Variants in ZNF469 observed in about 807,000 individuals in gnomAD.
ZNF469 encodes zinc finger protein 469.
In ZNF469, 1 loss-of-function variant was observed where a neutral mutation model predicts 1.0. The observed-to-expected ratio is 1.00, with a 90% confidence interval of 0.35 to 4.73. ZNF469 has a LOEUF of 4.73. Among genes scored for constraint, ZNF469 ranks in the 30% most tolerant of loss-of-function variants. ZNF469 has a pLI of 0.16. For missense variants in ZNF469, 6,100 were observed against 5,356.3 expected (o/e 1.14, Z -4.33); for synonymous variants, 2,703 against 2,363.4 (o/e 1.14, Z -4.17).
At chr16:88,373,720 G>A in the ZNF469 span, among the ~76,000 whole-genome samples, 2 of 152,204 alleles carry the variant, frequency 1.3e-5, no homozygotes, top group Non-Finnish European at 2.9e-5. Context: ...GAAACGGCAG[G>A]GTGCGGTGGC....
At chr16:88,252,872 ATC>A in the ZNF469 span, among the ~76,000 whole-genome samples, 1 of 152,158 alleles carries the variant, frequency 6.6e-6, no homozygotes, top group Non-Finnish European at 1.5e-5. Context: ...TTCCACCAAC[ATC>A]TCCCAGAGGC....
the ZNF469 span, among the ~76,000 whole-genome samples, chr16:88,193,852 G>A: frequency 6.6e-6 from 1 of 152,166 alleles, no homozygotes; most frequent in African/African-American, 2.4e-5. Flanking sequence ...TTAACTTACT[G>A]CGCCCTCACA....
chr16:88,324,691 G>A, the ZNF469 span, among the ~76,000 whole-genome samples: 7 of 152,316 alleles, frequency 4.6e-5, no homozygotes, highest in African/African-American at 1.2e-4. Flanking sequence ...AAGTATGTGC[G>A]AATTAAGGGG....
At chr16:88,368,873 G>A in the ZNF469 span, among the ~76,000 whole-genome samples, 1 of 152,178 alleles carries the variant, frequency 6.6e-6, no homozygotes, top group East Asian at 1.9e-4. Flanking sequence ...GAGGTCAGGA[G>A]TTCGAGACCA....
At chr16:88,231,245 C>G in the ZNF469 span, among the ~76,000 whole-genome samples, 1 of 152,158 alleles carries the variant, frequency 6.6e-6, no homozygotes, top group Admixed American at 6.5e-5. This position sits in a 1 kb window ranked among gnomAD's most constrained non-coding sequence, Gnocchi z 4.5. Flanking sequence ...CAGAGCCCAG[C>G]AGGAGGGAGA....
Position 88,430,921 on chromosome 16 carries a change from G to A in ZNF469, c.3451G>A (p.Ala1151Thr). The A allele has an allele frequency of 1.3e-6, 2 of 1,536,796 alleles. No homozygotes were observed. Among genetic ancestry groups the A allele is most frequent in the Non-Finnish European group, 1.7e-6 (2 of 1,145,620 alleles). Residue 1151 changes from alanine to threonine, a missense_variant, in exon 3 of 3, where the codon GCC becomes ACC. By Grantham distance (58) the Ala-to-Thr change is moderately conservative (BLOSUM62 0). Transcript: ENST00000565624. Reference sequence around the variant, plus strand: ...GAGGCAGGAAGCCGGCGGGGACGGAGCCCCCGCGAACCCCGAGGAGCCGGG... The same window carrying A: ...GAGGCAGGAAGCCGGCGGGGACGGAACCCCCGCGAACCCCGAGGAGCCGGG... ...AARQEAGGDG[A>T]PANPEEPGGS...
chr16:88,106,361 G>C, the ZNF469 span, among the ~76,000 whole-genome samples: 1 of 152,214 alleles, frequency 6.6e-6, no homozygotes, highest in African/African-American at 2.4e-5. Flanking sequence ...GAGGCAGTAC[G>C]ATAATCTCCC....
At chr16:88,116,175 G>A in the ZNF469 span, among the ~76,000 whole-genome samples, 1 of 152,204 alleles carries the variant, frequency 6.6e-6, no homozygotes, top group Admixed American at 6.5e-5. Context: ...GATGTGGGGG[G>A]TGCTCTTCCA....
the ZNF469 span, among the ~76,000 whole-genome samples, chr16:88,303,897 C>T: frequency 2.6e-5 from 4 of 152,170 alleles, no homozygotes; most frequent in South Asian, 8.3e-4. Context: ...GCCACACACT[C>T]AGTGCCACTC....
At chr16:88,400,262 C>CG in intron 1 of ZNF469, among the ~76,000 whole-genome samples, 1 of 152,326 alleles carries the variant, frequency 6.6e-6, no homozygotes, top group East Asian at 1.9e-4. Context: ...CCTTTCTGCC[C>CG]TCCTTGGAGC....
the ZNF469 span, among the ~76,000 whole-genome samples, chr16:88,361,344 G>C: frequency 6.6e-6 from 1 of 152,054 alleles, no homozygotes; most frequent in African/African-American, 2.4e-5. Flanking sequence ...GGGGGTTGGG[G>C]ACCCCTGCCC....
the ZNF469 span, chr16:88,235,030 G>A: frequency 6.6e-6 from 1 of 152,298 alleles, no homozygotes; most frequent in Non-Finnish European, 1.5e-5. Context: ...GGAAGGAGAG[G>A]GATGCCGCCA....
At chr16:88,329,270 T>C in the ZNF469 span, among the ~76,000 whole-genome samples, 22 of 152,324 alleles carry the variant, frequency 1.4e-4, no homozygotes, top group African/African-American at 4.8e-4. Context: ...TGCTGCTTCT[T>C]CATCTTCTGA....
At chr16:88,143,258 A>G in the ZNF469 span, among the ~76,000 whole-genome samples, 1 of 152,234 alleles carries the variant, frequency 6.6e-6, no homozygotes, top group Non-Finnish European at 1.5e-5. Flanking sequence ...TGGAGATTTC[A>G]GCAGTTCCAA....
the ZNF469 span, among the ~76,000 whole-genome samples, chr16:88,223,730 G>C: frequency 6.6e-6 from 1 of 152,254 alleles, no homozygotes; most frequent in South Asian, 2.1e-4. Context: ...TGTGAAAGCA[G>C]CTTTCCGCTG....
At chr16:88,342,019 G>A in the ZNF469 span, among the ~76,000 whole-genome samples, 1 of 152,086 alleles carries the variant, frequency 6.6e-6, no homozygotes, top group Non-Finnish European at 1.5e-5. Flanking sequence ...ATAGCAGGTG[G>A]CAGCTCCAGC....
chr16:88,354,033 C>T, the ZNF469 span, among the ~76,000 whole-genome samples: 2 of 152,212 alleles, frequency 1.3e-5, no homozygotes, highest in Non-Finnish European at 2.9e-5. Context: ...AATGTAAGGA[C>T]ACAGGGCCAG....
At chr16:88,331,216 T>C in the ZNF469 span, among the ~76,000 whole-genome samples, 1 of 131,594 alleles carries the variant, frequency 7.6e-6, no homozygotes, top group Non-Finnish European at 1.7e-5. Flanking sequence ...ATCACAACCG[T>C]CACCACCACC....
the ZNF469 span, among the ~76,000 whole-genome samples, chr16:88,292,211 G>T: frequency 7.2e-5 from 11 of 152,196 alleles, no homozygotes; most frequent in Non-Finnish European, 1.5e-4. Flanking sequence ...GCATAGCACT[G>T]AGCTGCCTGG....
Sources: allele counts gnomAD v4.1 joint callset (sites outside exome capture counted in the v4.1 genomes callset), GRCh38; gene constraint gnomAD v4.1.1; non-coding constraint Gnocchi (gnomAD v3.1); transcripts MANE v1.5; gene names NCBI Gene and HGNC (gene_info 2026-07-23, HGNC 2026-07-21).